ESR1: variants seen among roughly 807,000 people sequenced by gnomAD.
The protein encoded by ESR1 is estrogen receptor 1, also known as estrogen receptor.
In ESR1, 12 loss-of-function variants were observed where a neutral mutation model predicts 52.7. The observed-to-expected ratio is 0.23, with a 90% CI of 0.15 to 0.37. The LOEUF (loss-of-function observed/expected upper bound fraction) is 0.37, where lower values mean the gene tolerates loss of function less well. ESR1 is among the 10% of genes least tolerant of loss of function. The pLI, the probability that ESR1 is intolerant of heterozygous loss-of-function variation, is 1.00. For missense variants in ESR1, 584 were observed against 779.7 expected (o/e 0.75, Z 2.99); for synonymous variants, 305 against 316.8 (o/e 0.96, Z 0.39).
upstream of ESR1, chr6:151,807,409 T>G (rs1402092930): frequency 5.3e-6 from 1 of 190,106 alleles, no homozygotes; most frequent in East Asian, 1.3e-4. Context: ...TCGCGTTTAT[T>G]TTAAGCCCAG....
At chr6:151,765,326 A>G (rs528456471) in intron 2 of ESR1, among the ~76,000 whole-genome samples, 3 of 152,358 alleles carry the variant, frequency 2.0e-5, no homozygotes. Context: ...AAAGTTTTCA[A>G]TGACTGAATT....
At chr6:151,863,723 A>G (rs974289660) in intron 2 of ESR1, among the ~76,000 whole-genome samples, 12 of 152,212 alleles carry the variant, frequency 7.9e-5, no homozygotes, top group Non-Finnish European at 1.8e-4. Context: ...ATATAGACCA[A>G]TGGAACAGAA....
intron 5 of ESR1, among the ~76,000 whole-genome samples, chr6:152,013,330 T>G (rs938415002): frequency 1.3e-5 from 2 of 152,168 alleles, no homozygotes; most frequent in African/African-American, 2.4e-5. Context: ...ATGAAAATCT[T>G]AGACCACACG....
intron 1 of ESR1, among the ~76,000 whole-genome samples, chr6:151,838,579 C>T (rs887539195): frequency 2.0e-5 from 3 of 152,174 alleles, no homozygotes; most frequent in Non-Finnish European, 4.4e-5. Context: ...TCAACGTGAA[C>T]ATTATTTCAA....
intron 3 of ESR1, among the ~76,000 whole-genome samples, chr6:151,942,501 T>G (rs2035185734): frequency 6.6e-6 from 1 of 152,042 alleles, no homozygotes; most frequent in African/African-American, 2.4e-5. Context: ...ATATAGTAAG[T>G]GCTGAATGCA....
chr6:151,845,090 G>A (rs1195156460), intron 2 of ESR1, among the ~76,000 whole-genome samples: 1 of 151,546 alleles, frequency 6.6e-6, no homozygotes, highest in African/African-American at 2.4e-5. Flanking sequence ...TTTTTGTTCA[G>A]CATTTAAGAT....
downstream of ESR1, among the ~76,000 whole-genome samples, chr6:152,105,876 T>G (rs899342389): frequency 6.0e-5 from 8 of 134,174 alleles, no homozygotes; most frequent in African/African-American, 2.0e-4. Context: ...CAAGCTCCGC[T>G]TCCCGGGTTC....
intron 2 of ESR1, among the ~76,000 whole-genome samples, chr6:151,777,183 T>G (rs564445428): frequency 1.5e-3 from 227 of 148,982 alleles, no homozygotes; most frequent in African/African-American, 5.5e-3. Context: ...AGTAGTGTGA[T>G]CTCGGCTCAC....
chr6:152,117,339 A>C (rs1030693184), intron 6 of ESR1, among the ~76,000 whole-genome samples: 3 of 152,222 alleles, frequency 2.0e-5, no homozygotes, highest in African/African-American at 7.2e-5. Context: ...GCAGGATTTA[A>C]GCCTGAGCTG....
intron 2 of ESR1, among the ~76,000 whole-genome samples, chr6:151,764,819 G>A (rs145850725): frequency 6.6e-6 from 1 of 152,236 alleles, no homozygotes; most frequent in East Asian, 1.9e-4. Flanking sequence ...TTAATTTTGA[G>A]GTCAAATACG....
In ESR1 at chr6:151,747,553, AT is replaced by A. The variant is rs199727241; in HGVS notation, c.-71+45556del. Among the ~76,000 whole-genome samples, 38 of 151,938 alleles carry A rather than the reference AT, an allele frequency of 2.5e-4. No individual in the cohort carries two copies. In the East Asian group the frequency reaches 6.8e-3, roughly 27 times the overall value. ...GTATGTGATAATGCTTCTAAAAACT[AT>A]TTTTTTTCCAGTTTTATTGAAATAT... On this transcript the variant is annotated intron_variant, in intron 2 of 2. Coordinates refer to the ESR1 transcript ENST00000404742.
chr6:152,099,870 G>A lies in ESR1; in HGVS notation c.*904G>A, dbSNP rs34439156. On this transcript the variant is annotated 3_prime_UTR_variant, in exon 8 of 8. Transcript: ENST00000206249. ...GGCACTGTACTTGGATCTTCCCGGC[G>A]TGTGTGTGCCTTACACAGGGGTGAA... is the stretch of plus-strand genomic sequence containing the variant. 248 of 397,008 alleles carry A rather than the reference G, an allele frequency of 6.2e-4. 2 individuals are homozygous for A. The highest frequency in any genetic ancestry group is 7.6e-4 in the Non-Finnish European group (172 of 225,506). The allele number at this position is 397,008 out of a possible 1,614,324, so 24.6% of individuals were successfully genotyped here. A position where few individuals can be genotyped will look rare whatever the true frequency, so the allele number is the denominator to read the frequency against.
chr6:152,094,610 A>G lies in ESR1; in HGVS notation c.1553+42A>G. On this transcript the variant is annotated intron_variant, in intron 7 of 7. Transcript: ENST00000206249. This position sits in a 1 kb window ranked among gnomAD's most constrained non-coding sequence, Gnocchi z 4.6. Reference sequence around the variant, plus strand: ...CTTCCTACAGGAGAGACATAAAGAAAACATGCCCCCAAACCTATGTGACAG... The same window carrying G: ...CTTCCTACAGGAGAGACATAAAGAAGACATGCCCCCAAACCTATGTGACAG... The G allele has an allele frequency of 1.9e-6, 3 of 1,590,154 alleles. No homozygotes were observed. Among genetic ancestry groups the G allele is most frequent in the Non-Finnish European group, 1.7e-6 (2 of 1,163,754 alleles).
intron 3 of ESR1, among the ~76,000 whole-genome samples, chr6:151,920,057 T>A (rs1226869771): frequency 6.6e-6 from 1 of 152,186 alleles, no homozygotes; most frequent in East Asian, 1.9e-4. Context: ...TTGTAGTTTT[T>A]ATTTATAGGC....
intron 1 of ESR1, among the ~76,000 whole-genome samples, chr6:151,660,230 G>C (rs1212558747): frequency 1.3e-5 from 2 of 152,198 alleles, no homozygotes; most frequent in African/African-American, 4.8e-5. Flanking sequence ...GAGTTTGGGC[G>C]ATGGGAAAAG....
chr6:151,769,750 T>G (rs1785357399), intron 2 of ESR1, among the ~76,000 whole-genome samples: 1 of 152,238 alleles, frequency 6.6e-6, no homozygotes, highest in African/African-American at 2.4e-5. Context: ...TATTTATTTA[T>G]GTTTCCATTC....
At chr6:151,855,767 T>C (rs745652978) in intron 2 of ESR1, among the ~76,000 whole-genome samples, 1 of 151,978 alleles carries the variant, frequency 6.6e-6, no homozygotes, top group Non-Finnish European at 1.5e-5. Flanking sequence ...CAGAAAAAAA[T>C]GGTATGAGTT....
chr6:151,676,924 C>T (rs756723426), intron 1 of ESR1, among the ~76,000 whole-genome samples: 6 of 152,046 alleles, frequency 3.9e-5, no homozygotes, highest in Admixed American at 2.6e-4. Context: ...AACTGTGTAA[C>T]GCAGTTTGGA....
intron 1 of ESR1, among the ~76,000 whole-genome samples, chr6:151,836,332 A>T (rs1243267048): frequency 6.6e-6 from 1 of 152,188 alleles, no homozygotes; most frequent in East Asian, 1.9e-4. Context: ...GAGGCCTCAC[A>T]ATCATGGCAT....
Sources: gnomAD v4.1 joint callset for allele counts (sites outside exome capture counted in the v4.1 genomes callset) on GRCh38, gnomAD v4.1.1 for gene constraint, Gnocchi (gnomAD v3.1) non-coding constraint, MANE v1.5 for transcripts, NCBI Gene and HGNC (gene_info 2026-07-23, HGNC 2026-07-21) for gene names.